The following XKR6 variants were observed in gnomAD, a reference collection of about 807,000 sequenced individuals.
The protein encoded by XKR6 is XK-related protein 6.
XKR6 carries 22 observed loss-of-function variants against 56.7 expected under a neutral mutation model. The observed-to-expected ratio is 0.39, with a 90% CI of 0.28 to 0.55. The LOEUF (loss-of-function observed/expected upper bound fraction) is 0.55, where lower values mean the gene tolerates loss of function less well. Among genes scored for constraint, XKR6 ranks in the 20% least tolerant of loss-of-function variants. The pLI is 0.66. For missense variants in XKR6, 852 were observed against 889.0 expected (o/e 0.96, Z 0.53); for synonymous variants, 524 against 387.8 (o/e 1.35, Z -4.13).
At chr8:10,911,631 G>A (rs1159117337) in intron 2 of XKR6, among the ~76,000 whole-genome samples, 1 of 143,334 alleles carries the variant, frequency 7.0e-6, no homozygotes, top group Non-Finnish European at 1.5e-5. Context: ...ACAGAGAGGG[G>A]GTGAGTATAT....
chr8:10,907,296 G>A (rs574274504), intron 2 of XKR6, among the ~76,000 whole-genome samples: 16 of 152,142 alleles, frequency 1.1e-4, no homozygotes, highest in Non-Finnish European at 2.2e-4. Flanking sequence ...GTGGGCCAAG[G>A]GAGAAAGAAT....
intron 1 of XKR6, among the ~76,000 whole-genome samples, chr8:11,075,875 C>G (rs368953555): frequency 6.6e-6 from 1 of 151,868 alleles, no homozygotes; most frequent in Non-Finnish European, 1.5e-5. Context: ...TCTGTCCCCC[C>G]GACCCAAAAA....
intron 1 of XKR6, among the ~76,000 whole-genome samples, chr8:11,007,818 C>G (rs1798404819): frequency 6.6e-6 from 1 of 152,148 alleles, no homozygotes; most frequent in Admixed American, 6.5e-5. Context: ...CTCCCCTTCT[C>G]CTCTCTGGGC....
intron 1 of XKR6, among the ~76,000 whole-genome samples, chr8:11,074,643 A>G (rs2129168053): frequency 6.6e-6 from 1 of 152,302 alleles, no homozygotes; most frequent in East Asian, 1.9e-4. Context: ...AAACCCAGGC[A>G]CTGGAGACAT....
At chr8:11,088,053 G>T (rs1156680485) in intron 1 of XKR6, among the ~76,000 whole-genome samples, 1 of 152,292 alleles carries the variant, frequency 6.6e-6, no homozygotes, top group East Asian at 1.9e-4. Context: ...AGGAAGAAAG[G>T]GATGCAAACA....
chr8:10,982,197 G>T lies in XKR6; in HGVS notation c.765-57367C>A, dbSNP rs139363290. ...CAAATGGTAGGTGGCATAATATGTG[G>T]CAGCAAAGTAAAACAAAATAAAAGA... On this transcript the variant is annotated intron_variant, in intron 1 of 2. Coordinates refer to ENST00000416569, the MANE Select transcript of XKR6 (RefSeq NM_173683.4). 5.9e-5 allele frequency among the ~76,000 whole-genome samples: 9 copies of T among 152,314 alleles called. No individual in the cohort carries two copies. The East Asian group carries it at 1.7e-3, about 29-fold the overall frequency.
At chr8:11,041,953 A>G (rs1799297161) in intron 1 of XKR6, among the ~76,000 whole-genome samples, 2 of 152,184 alleles carry the variant, frequency 1.3e-5, no homozygotes, top group Admixed American at 1.3e-4. Context: ...ACCCACACTC[A>G]TTGTACTGTA....
At chr8:10,941,937 C>T (rs1563301403) in intron 1 of XKR6, among the ~76,000 whole-genome samples, 1 of 152,238 alleles carries the variant, frequency 6.6e-6, no homozygotes, top group Non-Finnish European at 1.5e-5. Context: ...ACTCCGACCC[C>T]TTTGTGGCCA....
intron 1 of XKR6, among the ~76,000 whole-genome samples, chr8:11,142,126 C>T (rs1307012730): frequency 6.6e-6 from 1 of 151,800 alleles, no homozygotes; most frequent in African/African-American, 2.4e-5. Flanking sequence ...TATACACACA[C>T]ATACATTTCA....
chr8:11,181,714 G>A (rs1030148816), intron 1 of XKR6, among the ~76,000 whole-genome samples: 3 of 152,196 alleles, frequency 2.0e-5, no homozygotes, highest in South Asian at 2.1e-4. Flanking sequence ...AGTGAGCCAG[G>A]CAGAAAAAGC....
At chr8:11,179,569 C>CTA (rs1307881809) in intron 1 of XKR6, among the ~76,000 whole-genome samples, 1 of 152,174 alleles carries the variant, frequency 6.6e-6, no homozygotes, top group Non-Finnish European at 1.5e-5. Context: ...CCTCAAAACA[C>CTA]TAGAGTTTCA....
At chr8:11,065,138 T>C (rs1799943394) in intron 1 of XKR6, among the ~76,000 whole-genome samples, 2 of 152,224 alleles carry the variant, frequency 1.3e-5, no homozygotes, top group African/African-American at 2.4e-5. Context: ...TAACTTTCTT[T>C]TAAAAGGCTA....
intron 1 of XKR6, among the ~76,000 whole-genome samples, chr8:11,000,680 A>G (rs1211407685): frequency 1.3e-5 from 2 of 152,188 alleles, no homozygotes; most frequent in Non-Finnish European, 2.9e-5. Context: ...GCCAGACTCT[A>G]TCTCAAAAAT....
chr8:10,898,931 C>G lies in XKR6; in HGVS notation c.962-15G>C. On this transcript the variant is annotated splice_polypyrimidine_tract_variant and intron_variant, in intron 2 of 2. Transcript: ENST00000416569. The surrounding 1 kb of genome is among the most constrained non-coding windows in gnomAD (Gnocchi z 6.6). ...AGAGGAGACACCTGCCGGAAAGACA[C>G]AAACCCACACAGTCAAAACCTTGGA... 2 of 1,581,406 alleles carry G rather than the reference C, an allele frequency of 1.3e-6. No individual in the cohort carries two copies. The highest frequency in any genetic ancestry group is 1.2e-5 in the South Asian group (1 of 85,250).
intron 1 of XKR6, among the ~76,000 whole-genome samples, chr8:10,970,806 A>T (rs1043270510): frequency 2.6e-4 from 20 of 76,570 alleles, no homozygotes; most frequent in African/African-American, 1.0e-3. Context: ...AAGGATCCTT[A>T]AAAAAAAAAA....
intron 1 of XKR6, among the ~76,000 whole-genome samples, chr8:11,135,723 GA>G (rs969425818): frequency 1.4e-5 from 2 of 147,774 alleles, no homozygotes; most frequent in African/African-American, 2.5e-5. Flanking sequence ...AATAAAAGGA[GA>G]AAAAAATTAA....
At chr8:11,051,901 T>A (rs1563105009) in intron 1 of XKR6, among the ~76,000 whole-genome samples, 1 of 152,174 alleles carries the variant, frequency 6.6e-6, no homozygotes, top group Non-Finnish European at 1.5e-5. Context: ...TACATAGGTA[T>A]ACATATGCCA....
chr8:10,965,009 C>G (rs564646830), intron 1 of XKR6, among the ~76,000 whole-genome samples: 173 of 152,356 alleles, frequency 1.1e-3, no homozygotes, highest in African/African-American at 4.0e-3. Flanking sequence ...ACATCGCCTT[C>G]CCTTTCCTCT....
intron 1 of XKR6, among the ~76,000 whole-genome samples, chr8:11,066,644 C>A (rs1799986523): frequency 6.6e-6 from 1 of 152,224 alleles, no homozygotes; most frequent in South Asian, 2.1e-4. Flanking sequence ...GAAAGCTTTT[C>A]CTCCAAAGCA....
Sources: gnomAD v4.1 joint callset for allele counts (sites outside exome capture counted in the v4.1 genomes callset) on GRCh38, gnomAD v4.1.1 for gene constraint, Gnocchi (gnomAD v3.1) non-coding constraint, MANE v1.5 for transcripts, NCBI Gene and HGNC (gene_info 2026-07-23, HGNC 2026-07-21) for gene names.